Variants in GRAMD1B observed in about 807,000 individuals in gnomAD.
GRAMD1B encodes the protein GRAM domain containing 1B, also known as protein Aster-B.
Under a neutral mutation model 99.7 loss-of-function variants are expected in GRAMD1B, and 37 were observed. The observed-to-expected ratio is 0.37, with a 90% CI of 0.29 to 0.49. The LOEUF is 0.49. Ranked by LOEUF, GRAMD1B falls within the 20% of genes least tolerant of loss-of-function variation. GRAMD1B has a pLI of 0.98. For synonymous variants in GRAMD1B, 427 were observed against 387.6 expected (o/e 1.10, Z -1.19); for missense variants, 888 against 1,009.2 (o/e 0.88, Z 1.63).
At chr11:123,576,146 G>A (rs937021040) in intron 2 of GRAMD1B, among the ~76,000 whole-genome samples, 4 of 152,182 alleles carry the variant, frequency 2.6e-5, no homozygotes, top group African/African-American at 4.8e-5. Flanking sequence ...AAGGGGCATG[G>A]TTTTCATTGC....
In GRAMD1B at chr11:123,541,537, G is replaced by GCT. The variant is rs1565349162; in HGVS notation, c.453-35830_453-35829insCT. ...TCTATTTATATTTCTTCTGTGAATT[G>GCT]ATTTTTTTTTTTTTTGGCCTTTGCT... On this transcript the variant is annotated intron_variant, in intron 2 of 19. Coordinates refer to ENST00000635736, the MANE Select transcript of GRAMD1B (RefSeq NM_001387025.1). 1.1e-4 allele frequency among the ~76,000 whole-genome samples: 16 copies of GCT among 141,502 alleles called. No individual in the cohort carries two copies. In the East Asian group the frequency reaches 2.9e-3, roughly 25 times the overall value. 92.8% of individuals were successfully genotyped at this position (141,502 alleles called of 152,430 possible). A position where few individuals can be genotyped will look rare whatever the true frequency, so the allele number is the denominator to read the frequency against.
rs879774512 is a variant in GRAMD1B at position 123,411,009 on chromosome 11, CT to C, written c.-176+52223del. Among the ~76,000 whole-genome samples the C allele has an allele frequency of 6.2e-3, 900 of 145,112 alleles. 6 individuals carry two copies. The highest frequency in any genetic ancestry group is 0.016 in the African/African-American group (647 of 39,894). On this transcript the variant is annotated intron_variant, in intron 1 of 20. Coordinates refer to the GRAMD1B transcript ENST00000638157. ...GTTAAATATTTGAATAACTTATCTT[CT>C]TTTTTTTTTTTTAAGACGGAGTCTT...
intron 19 of GRAMD1B, among the ~76,000 whole-genome samples, chr11:123,621,855 G>GACTT (rs1955146044): frequency 7.2e-6 from 1 of 138,912 alleles, no homozygotes; most frequent in Non-Finnish European, 1.6e-5. Context: ...ATGCTAGATT[G>GACTT]TCTTTCTTTC....
chr11:123,548,362 A>G (rs1352617824), intron 2 of GRAMD1B, among the ~76,000 whole-genome samples: 2 of 102,946 alleles, frequency 1.9e-5, no homozygotes, highest in South Asian at 2.7e-4. Flanking sequence ...ATATATATAT[A>G]TGTACACACA....
chr11:123,593,523 G>C (rs761896199), intron 4 of GRAMD1B, among the ~76,000 whole-genome samples: 1 of 152,148 alleles, frequency 6.6e-6, no homozygotes, highest in East Asian at 1.9e-4. Context: ...GATGCCTCTC[G>C]TGTGCCCGTT....
intron 1 of GRAMD1B, among the ~76,000 whole-genome samples, chr11:123,399,434 C>A (rs923638685): frequency 6.6e-6 from 1 of 152,138 alleles, no homozygotes; most frequent in Non-Finnish European, 1.5e-5. Flanking sequence ...ATTTCAGTTT[C>A]TTTGGATAAA....
intron 1 of GRAMD1B, among the ~76,000 whole-genome samples, chr11:123,404,134 A>G (rs975533726): frequency 1.3e-5 from 2 of 152,130 alleles, no homozygotes; most frequent in Non-Finnish European, 2.9e-5. Flanking sequence ...CAGAAGTTTT[A>G]TCTGCCTAGG....
intron 1 of GRAMD1B, among the ~76,000 whole-genome samples, chr11:123,360,890 C>G (rs1429292957): frequency 6.6e-6 from 1 of 150,500 alleles, no homozygotes; most frequent in Non-Finnish European, 1.5e-5. Flanking sequence ...AATCTGGGCT[C>G]ACTGCAACCT....
chr11:123,446,579 C>T (rs1416395012), intron 1 of GRAMD1B, among the ~76,000 whole-genome samples: 1 of 152,178 alleles, frequency 6.6e-6, no homozygotes, highest in East Asian at 1.9e-4. Context: ...AGAAAGTTCT[C>T]AGAACACTGA....
intron 2 of GRAMD1B, among the ~76,000 whole-genome samples, chr11:123,481,275 T>G (rs181705768): frequency 7.9e-5 from 12 of 152,166 alleles, no homozygotes; most frequent in African/African-American, 2.6e-4. Flanking sequence ...GTCAACACGG[T>G]AAAGCCTCAT....
chr11:123,584,161 C>G (rs1460895090), intron 3 of GRAMD1B, 151 bp from the exon 4 acceptor site: 1 of 538,376 alleles, frequency 1.9e-6, no homozygotes, highest in Admixed American at 3.7e-5. Context: ...GAAAGGAGGA[C>G]CCCTCCTGAG....
At chr11:123,576,762 C>T (rs1386494118) in intron 2 of GRAMD1B, among the ~76,000 whole-genome samples, 1 of 152,184 alleles carries the variant, frequency 6.6e-6, no homozygotes. Context: ...AGAAGAGCTG[C>T]ACTTTGTTTC....
At chr11:123,403,520 G>GT (rs1451252214) in intron 1 of GRAMD1B, among the ~76,000 whole-genome samples, 1 of 149,818 alleles carries the variant, frequency 6.7e-6, no homozygotes, top group Non-Finnish European at 1.5e-5. Context: ...GGCTTTTTTT[G>GT]TTTTTTGTTT....
intron 1 of GRAMD1B, among the ~76,000 whole-genome samples, chr11:123,433,677 T>A (rs1949014414): frequency 1.4e-5 from 1 of 69,876 alleles, no homozygotes; most frequent in Non-Finnish European, 3.1e-5. Context: ...AAATGTTACG[T>A]GCGTGTGTGT....
chr11:123,526,259 T>A, intron 2 of GRAMD1B: 1 of 1,107,186 alleles, frequency 9.0e-7, no homozygotes, highest in Non-Finnish European at 1.4e-6. Flanking sequence ...TCTCCTTCAT[T>A]GATGCCATCT....
chr11:123,554,747 C>G (rs868029713), intron 2 of GRAMD1B, among the ~76,000 whole-genome samples: 3 of 152,100 alleles, frequency 2.0e-5, no homozygotes, highest in South Asian at 2.1e-4. Context: ...CAAGTAAAAA[C>G]ATGGAAAGGT....
chr11:123,524,318 T>TTTTTATTTTA (rs6144546), intron 2 of GRAMD1B, among the ~76,000 whole-genome samples: 7,699 of 137,586 alleles, frequency 0.056, 376 homozygotes, highest in East Asian at 0.1. Flanking sequence ...CCAGTTTTTA[T>TTTTTATTTTA]TTTTATTTTA....
chr11:123,368,717 A>G (rs971194100), intron 1 of GRAMD1B, among the ~76,000 whole-genome samples: 5 of 151,176 alleles, frequency 3.3e-5, no homozygotes, highest in Non-Finnish European at 7.4e-5. Flanking sequence ...GAAAGAAAGA[A>G]AAAAGAAAAG....
intron 1 of GRAMD1B, among the ~76,000 whole-genome samples, chr11:123,473,257 T>C (rs1951102907): frequency 6.6e-6 from 1 of 152,064 alleles, no homozygotes; most frequent in South Asian, 2.1e-4. Context: ...AGAGACGGGG[T>C]TTCACCATGT....
Sources: allele counts gnomAD v4.1 joint callset (sites outside exome capture counted in the v4.1 genomes callset), GRCh38; gene constraint gnomAD v4.1.1; transcripts MANE v1.5; gene names NCBI Gene and HGNC (gene_info 2026-07-23, HGNC 2026-07-21).